CCDC9B: variants seen among roughly 807,000 people sequenced by gnomAD.
The protein encoded by CCDC9B is coiled-coil domain-containing protein 9B.
CCDC9B carries 40 observed loss-of-function variants against 47.2 expected under a neutral mutation model. The ratio of observed to expected loss-of-function variants is 0.85; its 90% CI spans 0.66 to 1.10. CCDC9B has a LOEUF of 1.10. CCDC9B is among the 50% of genes least tolerant of loss of function. CCDC9B has a pLI of 0.00. For synonymous variants in CCDC9B, 238 were observed against 250.7 expected (o/e 0.95, Z 0.48); for missense variants, 662 against 651.0 (o/e 1.02, Z -0.18).
At chr15:40,340,711 C>T in intron 1 of CCDC9B, 97 bp downstream of exon 1, 1 of 1,180,610 alleles carries the variant, frequency 8.5e-7, no homozygotes, top group Non-Finnish European at 1.2e-6. Context: ...CCTCCCAGCC[C>T]CAGCTGTCCC....
At chr15:40,340,779 C>G in intron 1 of CCDC9B, 29 bp downstream of exon 1, 1 of 1,593,578 alleles carries the variant, frequency 6.3e-7, no homozygotes. Flanking sequence ...TCCCAAGAAG[C>G]CCCCTGCCAA....
intron 7 of CCDC9B, 169 bp downstream of exon 7, chr15:40,337,219 G>A: frequency 1.3e-6 from 1 of 744,452 alleles, no homozygotes. Flanking sequence ...GGGGAGGATG[G>A]GAGGTCTTGG....
At position 40,335,576 on chromosome 15, in the gene CCDC9B, G is replaced by A. The variant is rs113207463; in HGVS notation, c.1055C>T (p.Pro352Leu). The A allele has an allele frequency of 9.7e-3, 14,582 of 1,499,340 alleles. 384 individuals are homozygous for A. Among genetic ancestry groups the A allele is most frequent in the African/African-American group, 0.091 (6,498 of 71,602 alleles). 92.9% of individuals were successfully genotyped at this position (1,499,340 alleles called of 1,614,324 possible). The change falls in exon 11 of 11, where the codon CCG becomes CTG. Residue 352 changes from proline (P) to leucine (L), a missense_variant. Pro to Leu is a moderately conservative substitution (Grantham distance 98). Coordinates refer to ENST00000397536, the MANE Select transcript of CCDC9B (RefSeq NM_207380.3). Reference sequence around the variant, plus strand: ...TGTGGAAGCCACTGACTCCCCCTTCGGCCCCTCTGGGGATGCCAGGGCTGG... The same window carrying A: ...TGTGGAAGCCACTGACTCCCCCTTCAGCCCCTCTGGGGATGCCAGGGCTGG... ...ASPALASPEG[P>L]KGESVASTAS...
chr15:40,340,866 C>A lies in CCDC9B; in HGVS notation c.-47G>T, dbSNP rs371765348. 1.2e-6 allele frequency: 2 copies of A among 1,609,226 alleles called. No homozygotes were observed. The highest frequency in any genetic ancestry group is 1.7e-5 in the Admixed American group (1 of 59,588). ...AATTCCAGAGCAGCCCCTGGGGAGC[C>A]AGAGTGGGAGGAAAGCTGGAGCCAC... On this transcript the variant is annotated 5_prime_UTR_variant, in exon 1 of 11. Coordinates refer to ENST00000397536, the MANE Select transcript of CCDC9B (RefSeq NM_207380.3).
intron 4 of CCDC9B, 26 bp downstream of exon 4, chr15:40,338,722 C>A: frequency 1.2e-6 from 2 of 1,610,206 alleles, no homozygotes; most frequent in Non-Finnish European, 1.7e-6. Flanking sequence ...CCTGCCGATG[C>A]CTGCACTCCC....
chr15:40,334,925 C>T lies in CCDC9B; in HGVS notation c.*233G>A, dbSNP rs1274712512. The T allele has an allele frequency of 2.5e-6, 1 of 405,022 alleles. No homozygotes were observed. The highest frequency in any genetic ancestry group is 3.6e-5 in the East Asian group (1 of 27,904). The allele number at this position is 405,022 out of a possible 1,614,324, so 25.1% of individuals were successfully genotyped here. A position where few individuals can be genotyped will look rare whatever the true frequency, so the allele number is the denominator to read the frequency against. ...GATGCCAGATACTAGTACAGGAATA[C>T]ACCAGGGGCTGTGCCCGTGCGTGAA... On this transcript the variant is annotated 3_prime_UTR_variant, in exon 11 of 11. Transcript: ENST00000397536.
In CCDC9B at chr15:40,335,354, A is replaced by G. The variant is rs1300280612; in HGVS notation, c.1277T>C (p.Leu426Pro). ...PLGWSNHQAE[L>P]EVQTCPEPQR... ...TGGCTCAGGGCAAGTCTGTACTTCC[A>G]GCTCAGCCTGGTGATTGCTCCACCC... Residue 426 changes from leucine to proline, a missense_variant, in exon 11 of 11, where the codon CTG becomes CCG. Coordinates refer to ENST00000397536, the MANE Select transcript of CCDC9B (RefSeq NM_207380.3). The G allele has an allele frequency of 6.2e-7, 1 of 1,613,212 alleles. No homozygotes were observed. The highest frequency in any genetic ancestry group is 1.1e-5 in the South Asian group (1 of 91,076).
intron 9 of CCDC9B, 84 bp downstream of exon 9, chr15:40,336,490 G>T: frequency 6.6e-7 from 1 of 1,509,948 alleles, no homozygotes; most frequent in Non-Finnish European, 8.9e-7. Flanking sequence ...CCCCAGGGAT[G>T]GAGCTGGCAC....
At position 40,333,683 on chromosome 15, in the gene CCDC9B, A is replaced by G; in HGVS notation, c.*1475T>C. On this transcript the variant is annotated 3_prime_UTR_variant, in exon 11 of 11. Transcript: ENST00000397536. ...TTCTCAAAACAGTCTGGTCTGCTAA[A>G]GAGATGCCCCTCACCTTCCTGAATA... 1 of 302,898 alleles carries G rather than the reference A, an allele frequency of 3.3e-6. No homozygotes were observed. Among genetic ancestry groups the G allele is most frequent in the Non-Finnish European group, 4.8e-6 (1 of 206,560 alleles). 18.8% of individuals were successfully genotyped at this position (302,898 alleles called of 1,614,324 possible). A position where few individuals can be genotyped will look rare whatever the true frequency, so the allele number is the denominator to read the frequency against.
chr15:40,336,581 C>A lies in CCDC9B; in HGVS notation c.880G>T (p.Ala294Ser), dbSNP rs775838823. Residue 294 changes from alanine to serine, a missense_variant, in exon 9 of 11, where the codon GCC becomes TCC. Coordinates refer to ENST00000397536, the MANE Select transcript of CCDC9B (RefSeq NM_207380.3). ...ARGKERLTGR[A>S]RRWDMKEDKE... ...TCCCCTGCCACCTGTTACCTTCGGG[C>A]CCTGCCAGTCAGCCTCTCCTTGCCC... 10 of 1,611,662 alleles carry A rather than the reference C, an allele frequency of 6.2e-6. No homozygotes were observed. The highest frequency in any genetic ancestry group is 8.5e-6 in the Non-Finnish European group (10 of 1,179,536).
At chr15:40,336,036 A>C in intron 9 of CCDC9B, 1 of 985,398 alleles carries the variant, frequency 1.0e-6, no homozygotes, top group Non-Finnish European at 1.2e-6. Flanking sequence ...AGAGAGGAGC[A>C]GCCATGGCAG....
Position 40,339,603 on chromosome 15 carries a change from C to T in CCDC9B, c.140G>A (p.Arg47His), listed in dbSNP as rs568767776. The T allele has an allele frequency of 3.1e-6, 5 of 1,613,480 alleles. No individual in the cohort carries two copies. In the South Asian group the frequency reaches 3.3e-5, roughly 11 times the overall value. Residue 47 changes from arginine to histidine, a missense_variant, in exon 3 of 11, where the codon CGT (arginine) becomes CAT (histidine). Transcript: ENST00000397536. ...LRRYQEIQED[R>H]RQAEQGGMAV... ...CATCCCCCCCTGCTCTGCCTGCCGA[C>T]GGTCCTCCTGGATCTCCTGTGGGAG...
At chr15:40,336,241 A>C in intron 9 of CCDC9B, 1 of 985,412 alleles carries the variant, frequency 1.0e-6, no homozygotes, top group Non-Finnish European at 1.2e-6. Context: ...CTCTGGGCCC[A>C]TCCTGGGTCC....
chr15:40,338,875 G>GCCCAGTTCCTGCTAACCACCC lies in CCDC9B; in HGVS notation c.239_259dup (p.Trp86_Ala87insGlyValValSerArgAsnTrp), dbSNP rs1566908316. ...CACTCTGGGTCCACAGGTACCCCTT[G>GCCCAGTTCCTGCTAACCACCC]CCCAGTTCCTGCTAACCACCCGCTT... On this transcript the variant is annotated inframe_insertion, in exon 4 of 11. Transcript: ENST00000397536. 2.5e-6 allele frequency: 4 copies of GCCCAGTTCCTGCTAACCACCC among 1,614,066 alleles called. No homozygotes were observed. The highest frequency in any genetic ancestry group is 3.4e-6 in the Non-Finnish European group (4 of 1,180,006).
At chr15:40,336,917 C>T (rs528544304) in intron 7 of CCDC9B, 104 bp from the exon 8 acceptor site, 62 of 1,266,158 alleles carry the variant, frequency 4.9e-5, no homozygotes, top group Admixed American at 1.2e-4. Context: ...CGGGGCCAGT[C>T]GTGGGTTTTG....
rs985936630 is a variant in CCDC9B, at chr15:40,338,856, G to A, written c.279C>T (p.Pro93=). ...CCTCAAGCATCTCGTTGGTCACTCT[G>A]GGTCCACAGGTACCCCTTGCCCAGT... ...SRNWARGTCG[P]RVTNEMLEDE... is the part of the protein sequence containing the mutation. Residue 93 remains proline (P), a synonymous_variant, in exon 4 of 11, where the codon CCC becomes CCT. Transcript: ENST00000397536. 8 of 1,614,166 alleles carry A rather than the reference G, an allele frequency of 5.0e-6. No individual in the cohort carries two copies. Among genetic ancestry groups the A allele is most frequent in the Non-Finnish European group, 6.8e-6 (8 of 1,180,020 alleles).
rs1016453985 is a variant in CCDC9B at position 40,332,209 on chromosome 15, A to G, written c.*2949T>C. On this transcript the variant is annotated 3_prime_UTR_variant, in exon 11 of 11. Transcript: ENST00000397536. ...GTAGAACCAGCTTCCCATGATGCCAAGCTCTGTGGAGGGGTGTCTTATTGC... is the reference window on the plus strand; with the variant it reads ...GTAGAACCAGCTTCCCATGATGCCAGGCTCTGTGGAGGGGTGTCTTATTGC... 3.3e-5 allele frequency: 5 copies of G among 152,228 alleles called. No individual in the cohort carries two copies. The highest frequency in any genetic ancestry group is 4.8e-5 in the African/African-American group (2 of 41,460). The allele number at this position is 152,228 out of a possible 1,614,324, so 9.4% of individuals were successfully genotyped here.
Position 40,337,753 on chromosome 15 carries a change from G to T in CCDC9B, c.654C>A (p.Arg218=), listed in dbSNP as rs777497835. The T allele has an allele frequency of 1.2e-5, 19 of 1,606,760 alleles. No individual in the cohort carries two copies. In the East Asian group the frequency reaches 2.7e-4, roughly 23 times the overall value. Residue 218 remains arginine, a synonymous_variant, in exon 6 of 11, where the codon CGC becomes CGA. Coordinates refer to ENST00000397536, the MANE Select transcript of CCDC9B (RefSeq NM_207380.3). ...RHRDAQGDWR[R]PWDLDKAKST... is the part of the protein sequence containing the mutation. ...ACTTGGCCTTGTCCAGGTCCCACGGGCGGCGCCAGTCACCCTGTGCGTCTC... is the reference window on the plus strand; with the variant it reads ...ACTTGGCCTTGTCCAGGTCCCACGGTCGGCGCCAGTCACCCTGTGCGTCTC...
chr15:40,337,946 G>A, intron 5 of CCDC9B, 53 bp from the exon 6 acceptor site: 2 of 1,543,516 alleles, frequency 1.3e-6, no homozygotes, highest in Non-Finnish European at 1.8e-6. Context: ...GAGGCTTGGG[G>A]TGGGGTTTGG....
Sources: gnomAD v4.1 joint callset for allele counts on GRCh38, gnomAD v4.1.1 for gene constraint, MANE v1.5 for transcripts, NCBI Gene and HGNC (gene_info 2026-07-23, HGNC 2026-07-21) for gene names.